The following MYOM1 variants were observed in gnomAD, a reference collection of about 807,000 sequenced individuals.
The protein encoded by MYOM1 is myomesin 1, also known as myomesin-1.
Under a neutral mutation model 205.3 loss-of-function variants are expected in MYOM1, and 164 were observed. The ratio of observed to expected loss-of-function variants is 0.80; its 90% CI spans 0.70 to 0.91. MYOM1 has a LOEUF of 0.91. Ranked by LOEUF, MYOM1 falls within the 40% of genes least tolerant of loss-of-function variation. The probability of loss-of-function intolerance (pLI) is 0.00; values close to 1 mark genes in which losing one functional copy is unlikely to be tolerated. For synonymous variants in MYOM1, 772 were observed against 789.4 expected (o/e 0.98, Z 0.37); for missense variants, 2,011 against 2,127.3 (o/e 0.95, Z 1.08).
intron 26 of MYOM1, among the ~76,000 whole-genome samples, chr18:3,093,815 G>A (rs1389524602): frequency 2.0e-5 from 3 of 152,122 alleles, no homozygotes; most frequent in East Asian, 3.8e-4. Context: ...AATCAAGTCC[G>A]TGCTGGGGTG....
upstream of MYOM1, among the ~76,000 whole-genome samples, chr18:3,220,935 A>T (rs2081323966): frequency 6.6e-6 from 1 of 152,224 alleles, no homozygotes; most frequent in Non-Finnish European, 1.5e-5. Flanking sequence ...GATTACATGT[A>T]TGCAGCAGGT....
At chr18:3,144,361 T>TA (rs1364683184) in intron 13 of MYOM1, among the ~76,000 whole-genome samples, 1 of 150,414 alleles carries the variant, frequency 6.6e-6, no homozygotes, top group African/African-American at 2.4e-5. Flanking sequence ...AGAATACAGA[T>TA]AAAATGGAAT....
the MYOM1 span, among the ~76,000 whole-genome samples, chr18:3,238,156 T>C: frequency 2.6e-5 from 4 of 152,210 alleles, no homozygotes; most frequent in Non-Finnish European, 5.9e-5. Context: ...CGGTCCCATC[T>C]CAGGGGTGAT....
rs199520642 is a variant in MYOM1, at chr18:3,187,489, C to T, written c.920G>A (p.Arg307His). ...CATAAAGATAACATACCACGTGACA[C>T]GAGGTTCTGGCCAGCCTGCTATGGA... ...HCSIAGWPEP[R>H]VTWYKNQVPI... The change falls in exon 5 of 38, where the codon CGT becomes CAT. Residue 307 changes from arginine (R) to histidine (H), a missense_variant. Physicochemically the swap from Arg to His is conservative, Grantham distance 29 (BLOSUM62 0). Transcript: ENST00000356443. The T allele has an allele frequency of 4.3e-6, 7 of 1,613,266 alleles. No individual in the cohort carries two copies. Among genetic ancestry groups the T allele is most frequent in the East Asian group, 2.2e-5 (1 of 44,856 alleles).
chr18:3,191,116 A>C (rs1329909157), intron 3 of MYOM1, among the ~76,000 whole-genome samples: 3 of 152,224 alleles, frequency 2.0e-5, no homozygotes, highest in Non-Finnish European at 4.4e-5. Context: ...ACAAAAGCAA[A>C]ACTGTGAGGC....
intron 2 of MYOM1, among the ~76,000 whole-genome samples, chr18:3,210,213 G>A (rs186312250): frequency 8.1e-4 from 123 of 152,334 alleles, no homozygotes; most frequent in African/African-American, 2.8e-3. Flanking sequence ...ATTGGGGTAG[G>A]AGATGGAACA....
chr18:3,188,028 T>A (rs899783765), intron 4 of MYOM1, among the ~76,000 whole-genome samples: 15 of 150,990 alleles, frequency 9.9e-5, no homozygotes, highest in Non-Finnish European at 5.9e-5. Flanking sequence ...TAGTAGAGAT[T>A]TTAGGGGTTT....
Position 3,129,283 on chromosome 18 carries a change from C to T in MYOM1, c.2743G>A (p.Ala915Thr). 2 of 1,614,000 alleles carry T rather than the reference C, an allele frequency of 1.2e-6. No homozygotes were observed. The highest frequency in any genetic ancestry group is 1.7e-6 in the Non-Finnish European group (2 of 1,179,884). Reference protein sequence around the residue: ...EELTPPPQKAAPQGKSKSDPL... With the variant: ...EELTPPPQKATPQGKSKSDPL... ...TCAGACTTACTTTTCCCCTGAGGAGCCGCTTTCTGTGGTGGCGGGGTAAGC... is the reference window on the plus strand; with the variant it reads ...TCAGACTTACTTTTCCCCTGAGGAGTCGCTTTCTGTGGTGGCGGGGTAAGC... The change falls in exon 18 of 38, where the codon GCT becomes ACT. Residue 915 changes from alanine (A) to threonine (T), a missense_variant. By Grantham distance (58) the Ala-to-Thr change is moderately conservative (BLOSUM62 0). Coordinates refer to ENST00000356443, the MANE Select transcript of MYOM1 (RefSeq NM_003803.4).
intron 3 of MYOM1, among the ~76,000 whole-genome samples, chr18:3,191,947 C>T (rs5028329): frequency 0.11 from 17,262 of 152,144 alleles, 1,745 homozygotes; most frequent in African/African-American, 0.27. Context: ...CTGCCCGCCT[C>T]AGCCTCCCAA....
intron 19 of MYOM1, among the ~76,000 whole-genome samples, chr18:3,124,307 T>TTTC (rs2079744942): frequency 1.4e-5 from 2 of 147,716 alleles, no homozygotes; most frequent in East Asian, 3.9e-4. Flanking sequence ...TTTTTTCTTT[T>TTTC]TTTTTTTTTT....
intron 13 of MYOM1, among the ~76,000 whole-genome samples, chr18:3,143,787 G>C (rs1157475224): frequency 6.7e-6 from 1 of 150,028 alleles, no homozygotes; most frequent in Non-Finnish European, 1.5e-5. Context: ...TATAGCCCCA[G>C]CTACTTGGGA....
At chr18:3,136,947 T>C (rs1317376577) in intron 14 of MYOM1, among the ~76,000 whole-genome samples, 1 of 151,692 alleles carries the variant, frequency 6.6e-6, no homozygotes, top group African/African-American at 2.4e-5. Flanking sequence ...TTTTTTTCTT[T>C]CTTTTTTCTT....
At chr18:3,242,475 C>A in the MYOM1 span, among the ~76,000 whole-genome samples, 5 of 152,146 alleles carry the variant, frequency 3.3e-5, no homozygotes, top group Admixed American at 3.3e-4. Context: ...GTCCATTAAA[C>A]CTCTTTCTTT....
intron 9 of MYOM1, among the ~76,000 whole-genome samples, chr18:3,167,451 T>A (rs1283566370): frequency 6.6e-6 from 1 of 152,250 alleles, no homozygotes; most frequent in East Asian, 1.9e-4. Flanking sequence ...TGGCGCAATC[T>A]TGGTTCACTG....
upstream of MYOM1, chr18:3,220,140 A>G (rs995304388): frequency 3.3e-5 from 5 of 152,204 alleles, no homozygotes; most frequent in East Asian, 9.6e-4. Context: ...TAAACCAAAT[A>G]TAGGGTTTTT....
chr18:3,193,359 T>TACACACACAC (rs536189289), intron 3 of MYOM1, among the ~76,000 whole-genome samples: 1,296 of 119,206 alleles, frequency 0.011, 11 homozygotes, highest in African/African-American at 0.02. Flanking sequence ...TATATATATA[T>TACACACACAC]ATACACACAC....
chr18:3,129,491 G>C lies in MYOM1; in HGVS notation c.2535C>G (p.Pro845=), dbSNP rs1307620327. ...GTCCACCAGGCTCATCGCTCAGTGC[G>C]GGACACACATCTGGAGACACTCCTC... The part of the protein sequence containing the change: ...IGGGVSPDVC[P]ALSDEPGGLT... Residue 845 remains proline, a synonymous_variant, in exon 18 of 38, where the codon CCC becomes CCG. Coordinates refer to ENST00000356443, the MANE Select transcript of MYOM1 (RefSeq NM_003803.4). The C allele has an allele frequency of 1.2e-6, 2 of 1,613,488 alleles. No homozygotes were observed. The highest frequency in any genetic ancestry group is 1.3e-5 in the African/African-American group (1 of 75,018).
In MYOM1 at chr18:3,089,572, G is replaced by C; in HGVS notation, c.4034C>G (p.Ala1345Gly). ...GDVFKKLQKE[A>G]EFQRQEWIRK... ...GATCCATTCTTGCCGCTGGAATTCA[G>C]CTTCTTTCTGGAGCTTTTTGAAAAC... The change falls in exon 28 of 38, where the codon GCT becomes GGT. Residue 1345 changes from alanine to glycine, a missense_variant. By Grantham distance (60) the Ala-to-Gly change is moderately conservative. Coordinates refer to ENST00000356443, the MANE Select transcript of MYOM1 (RefSeq NM_003803.4). 6.2e-7 allele frequency: 1 copy of C among 1,608,708 alleles called. No individual in the cohort carries two copies. The highest frequency in any genetic ancestry group is 8.5e-7 in the Non-Finnish European group (1 of 1,177,438).
At chr18:3,175,429 T>C (rs2080623691) in intron 6 of MYOM1, among the ~76,000 whole-genome samples, 1 of 152,040 alleles carries the variant, frequency 6.6e-6, no homozygotes, top group Non-Finnish European at 1.5e-5. Flanking sequence ...AAAATAAACA[T>C]TTGGGAACTT....
Sources: allele counts gnomAD v4.1 joint callset (sites outside exome capture counted in the v4.1 genomes callset), GRCh38; gene constraint gnomAD v4.1.1; transcripts MANE v1.5; gene names NCBI Gene and HGNC (gene_info 2026-07-23, HGNC 2026-07-21).